USP28: variants seen among roughly 807,000 people sequenced by gnomAD.
USP28 encodes the protein ubiquitin carboxyl-terminal hydrolase 28.
USP28 carries 113 observed loss-of-function variants against 145.0 expected under a neutral mutation model. The ratio of observed to expected loss-of-function variants is 0.78; its 90% CI spans 0.67 to 0.91. The LOEUF is 0.91. USP28 is among the 40% of genes least tolerant of loss of function. USP28 has a pLI of 0.00. For synonymous variants in USP28, 447 were observed against 450.9 expected, an observed-to-expected ratio of 0.99 and a Z score of 0.11; for missense variants, 1,201 against 1,289.6, an observed-to-expected ratio of 0.93 and a Z score of 1.05.
intron 2 of USP28, among the ~76,000 whole-genome samples, chr11:113,854,022 G>A (rs1452814502): frequency 6.6e-6 from 1 of 152,076 alleles, no homozygotes; most frequent in Non-Finnish European, 1.5e-5. Flanking sequence ...CCTAAACAGT[G>A]CAACTGGTTG....
intron 5 of USP28, among the ~76,000 whole-genome samples, chr11:113,836,945 C>T (rs1944630874): frequency 6.6e-6 from 1 of 152,164 alleles, no homozygotes; most frequent in Non-Finnish European, 1.5e-5. Flanking sequence ...AGCCACTGCT[C>T]TATGTGTTCC....
chr11:113,841,631 G>T (rs183396189), intron 4 of USP28, 32 bp downstream of exon 4: 4 of 1,453,692 alleles, frequency 2.8e-6, no homozygotes, highest in Non-Finnish European at 3.8e-6. Flanking sequence ...ACACAAATGT[G>T]GGGGGCAAGA....
chr11:113,813,800 G>A, intron 15 of USP28, 85 bp downstream of exon 15: 1 of 1,019,166 alleles, frequency 9.8e-7, no homozygotes, highest in Non-Finnish European at 1.5e-6. Flanking sequence ...ATTCCCATTG[G>A]GTTTAAAAGA....
intron 13 of USP28, among the ~76,000 whole-genome samples, chr11:113,817,040 A>T (rs1941849065): frequency 6.6e-6 from 1 of 152,108 alleles, no homozygotes; most frequent in Non-Finnish European, 1.5e-5. Context: ...CTTTTTATTG[A>T]GTATTAGTGT....
Position 113,831,966 on chromosome 11 carries a change from G to T in USP28, c.787C>A (p.Leu263Ile). The T allele has an allele frequency of 1.2e-5, 19 of 1,613,888 alleles. No homozygotes were observed. The highest frequency in any genetic ancestry group is 1.7e-5 in the Admixed American group (1 of 59,998). The change falls in exon 8 of 25, where the codon CTC becomes ATC. Residue 263 changes from leucine (L) to isoleucine (I), a missense_variant. Leu to Ile is a conservative substitution (Grantham distance 5). Transcript: ENST00000003302. ...AATGCGTCCTCTAGCCAATCCAGGAGCTTGTGTGTGAATTCACTCACATCT... is the reference window on the plus strand; with the variant it reads ...AATGCGTCCTCTAGCCAATCCAGGATCTTGTGTGTGAATTCACTCACATCT...
intron 4 of USP28, among the ~76,000 whole-genome samples, chr11:113,841,415 C>A (rs976363064): frequency 6.6e-6 from 1 of 152,140 alleles, no homozygotes; most frequent in Non-Finnish European, 1.5e-5. Flanking sequence ...TTTTAATTCA[C>A]CCTAGCAATT....
intron 3 of USP28, among the ~76,000 whole-genome samples, chr11:113,851,609 A>G (rs1187743019): frequency 6.6e-6 from 1 of 152,208 alleles, no homozygotes; most frequent in Non-Finnish European, 1.5e-5. Flanking sequence ...CAGCTGGCCA[A>G]CATGGTAAAA....
chr11:113,808,246 T>A, intron 18 of USP28, 52 bp downstream of exon 18: 1 of 1,589,852 alleles, frequency 6.3e-7, no homozygotes, highest in Non-Finnish European at 8.6e-7. Context: ...AAACTGGCCA[T>A]CGCTGCTGAA....
chr11:113,836,484 T>C (rs1358008921), intron 5 of USP28, among the ~76,000 whole-genome samples: 1 of 152,072 alleles, frequency 6.6e-6, no homozygotes, highest in Non-Finnish European at 1.5e-5. Flanking sequence ...CTCGCTAATA[T>C]GGCAAAAATG....
chr11:113,835,705 G>T (rs2136050776), intron 5 of USP28, among the ~76,000 whole-genome samples: 2 of 152,270 alleles, frequency 1.3e-5, no homozygotes, highest in East Asian at 3.9e-4. Flanking sequence ...CTATTCTGCT[G>T]TGAGAAAAAT....
intron 1 of USP28, among the ~76,000 whole-genome samples, chr11:113,861,336 C>T (rs1268347463): frequency 6.6e-6 from 1 of 152,156 alleles, no homozygotes; most frequent in African/African-American, 2.4e-5. Context: ...CAGCAGCTTT[C>T]TGTGGACACA....
Position 113,817,719 on chromosome 11 carries a change from G to A in USP28, c.1402C>T (p.His468Tyr). ...ACTGAAGAAAGTGGTAATGTCATAT[G>A]TGTGTCACTTTCAGGTGGACAGCTT... Residue 468 changes from histidine (H) to tyrosine (Y), a missense_variant, in exon 13 of 25, where the codon CAT (histidine) becomes TAT (tyrosine). By Grantham distance (83) the His-to-Tyr change is moderately conservative (BLOSUM62 2). Transcript: ENST00000003302. 3 of 1,614,196 alleles carry A rather than the reference G, an allele frequency of 1.9e-6. No homozygotes were observed. In the South Asian group the frequency reaches 3.3e-5, roughly 18 times the overall value.
At chr11:113,809,019 A>AT (rs1470515429) in intron 17 of USP28, 44 bp downstream of exon 17, 2 of 1,591,746 alleles carry the variant, frequency 1.3e-6, no homozygotes, top group Non-Finnish European at 1.7e-6. Context: ...GGAGTACAGC[A>AT]TGAGATGTTA....
At chr11:113,874,423 GAAAAA>G (rs778295743) in intron 1 of USP28, 709 of 413,258 alleles carry the variant, frequency 1.7e-3, no homozygotes, top group African/African-American at 3.0e-3. Context: ...AGACTCTGTC[GAAAAA>G]AAAAAAAAAA....
At chr11:113,823,724 C>T in intron 11 of USP28, 24 bp from the exon 12 acceptor site, 2 of 1,530,916 alleles carry the variant, frequency 1.3e-6, no homozygotes, top group African/African-American at 1.4e-5. Context: ...CCCACAAACA[C>T]AATTTATATT....
intron 23 of USP28, 81 bp downstream of exon 24, chr11:113,803,077 T>C (rs576052536): frequency 2.0e-4 from 289 of 1,417,696 alleles, no homozygotes; most frequent in Non-Finnish European, 2.5e-4. Context: ...ATAGTCTGTT[T>C]TGAAAGCCAT....
At chr11:113,840,166 C>T (rs1945037950) in intron 5 of USP28, among the ~76,000 whole-genome samples, 2 of 152,178 alleles carry the variant, frequency 1.3e-5, no homozygotes, top group Admixed American at 1.3e-4. Context: ...CTACTGCAGG[C>T]ATATCCTGGA....
rs193219819 is a variant in USP28, at chr11:113,870,487, G to A, written c.57+4958C>T. On this transcript the variant is annotated intron_variant, in intron 1 of 24. Transcript: ENST00000003302. ...GGCCAAAGTGAGCTATAATCACATC[G>A]CTGCACCCCAGTCTGGGTGACAGAG... Among the ~76,000 whole-genome samples the A allele has an allele frequency of 4.6e-5, 7 of 152,336 alleles. No homozygotes were observed. The East Asian group carries it at 1.4e-3, about 29-fold the overall frequency.
At chr11:113,822,183 G>A (rs999952705) in intron 12 of USP28, among the ~76,000 whole-genome samples, 2 of 152,118 alleles carry the variant, frequency 1.3e-5, no homozygotes, top group African/African-American at 2.4e-5. Context: ...CAGGAACAGC[G>A]GCTCACGCCT....
Sources: allele counts gnomAD v4.1 joint callset (sites outside exome capture counted in the v4.1 genomes callset), GRCh38; gene constraint gnomAD v4.1.1; transcripts MANE v1.5; gene names NCBI Gene and HGNC (gene_info 2026-07-23, HGNC 2026-07-21).